TGM3: variants seen among roughly 807,000 people sequenced by gnomAD.
TGM3 encodes the protein protein-glutamine gamma-glutamyltransferase E.
Under a neutral mutation model 73.8 loss-of-function variants are expected in TGM3, and 52 were observed. The observed-to-expected ratio is 0.70, with a 90% CI of 0.56 to 0.89. TGM3 has a LOEUF of 0.89. TGM3 is among the 40% of genes least tolerant of loss of function. TGM3 has a pLI of 0.00. For synonymous variants in TGM3, 372 were observed against 354.9 expected (o/e 1.05, Z -0.54); for missense variants, 928 against 909.9 (o/e 1.02, Z -0.26).
In TGM3 at chr20:2,335,229, G is replaced by A. The variant is rs781219007; in HGVS notation, c.1756G>A (p.Val586Met). Residue 586 changes from valine to methionine, a missense_variant, in exon 11 of 13, where the codon GTG (valine) becomes ATG (methionine). By Grantham distance (21) the Val-to-Met change is conservative (BLOSUM62 1). Coordinates refer to ENST00000381458, the MANE Select transcript of TGM3 (RefSeq NM_003245.4). ...GGTCCCAGATGAGTCTGAGGTGGTG[G>A]TGGAGCGGGACATCATCCTGGACAA... ...CKVPDESEVV[V>M]ERDIILDNPT... is the part of the protein sequence containing the mutation. The A allele has an allele frequency of 2.5e-6, 4 of 1,614,208 alleles. No homozygotes were observed. The highest frequency in any genetic ancestry group is 1.7e-5 in the Admixed American group (1 of 60,026).
chr20:2,301,209 C>T (rs1000201076), intron 1 of TGM3, among the ~76,000 whole-genome samples: 1 of 151,196 alleles, frequency 6.6e-6, no homozygotes, highest in Non-Finnish European at 1.5e-5. Flanking sequence ...GAGATGGGTG[C>T]TGAGCAGGAA....
In TGM3 at chr20:2,340,459, G is replaced by C. The variant is rs214830; in HGVS notation, c.1960G>C (p.Gly654Arg). 1,072,450 of 1,613,766 alleles carry C rather than the reference G, an allele frequency of 0.66. 361,557 individuals carry two copies. The highest frequency in any genetic ancestry group is 0.88 in the African/African-American group (66,117 of 74,946). The stretch of plus-strand genomic sequence containing the variant: ...CGTGCCGACCCTAGGGCCCAAGGAG[G>C]GGTCCCGGGTCCGTTTTGATATCCT... ...IDVPTLGPKEGSRVRFDILPS... is the reference protein window; with the variant it reads ...IDVPTLGPKERSRVRFDILPS... Residue 654 changes from glycine to arginine, a missense_variant, in exon 13 of 13, where the codon GGG becomes CGG. Gly to Arg is a moderately radical substitution (Grantham distance 125, BLOSUM62 -2). Transcript: ENST00000381458.
intron 9 of TGM3, among the ~76,000 whole-genome samples, chr20:2,329,467 G>C (rs2084307618): frequency 6.6e-6 from 1 of 152,170 alleles, no homozygotes; most frequent in South Asian, 2.1e-4. Flanking sequence ...TCATTCCCAG[G>C]ACTGAGCTCA....
At position 2,335,281 on chromosome 20, in the gene TGM3, G is replaced by T. The variant is rs771394705; in HGVS notation, c.1800+8G>T. 6.2e-6 allele frequency: 10 copies of T among 1,613,786 alleles called. No homozygotes were observed. In the Middle Eastern group the frequency reaches 5.1e-4, roughly 83 times the overall value. ...CCCACCTTGACCCTGGAGGTAATGGGGCTCCCCATCCTGTGGGAAGGGGTT... is the reference window on the plus strand; with the variant it reads ...CCCACCTTGACCCTGGAGGTAATGGTGCTCCCCATCCTGTGGGAAGGGGTT... On this transcript the variant is annotated splice_region_variant and intron_variant, in intron 11 of 12. Coordinates refer to ENST00000381458, the MANE Select transcript of TGM3 (RefSeq NM_003245.4).
intron 8 of TGM3, 177 bp downstream of exon 8, chr20:2,326,129 T>TA: frequency 1.5e-6 from 1 of 654,238 alleles, no homozygotes; most frequent in Non-Finnish European, 2.7e-6. Flanking sequence ...GGGCTGCTGT[T>TA]TAAATGAGTG....
rs770522247 is a variant in TGM3 at position 2,328,328 on chromosome 20, T to C, written c.1296T>C (p.Ala432=). The change falls in exon 9 of 13, where the codon GCT becomes GCC. Residue 432 remains alanine, a synonymous_variant. Transcript: ENST00000381458. This position sits in a 1 kb window ranked among gnomAD's most constrained non-coding sequence, Gnocchi z 5.2. ...GCACCAAGGCGGTGGGCAGCAATGC[T>C]CGCATGGACGTCACGGACAAGTACA... ...YISTKAVGSN[A]RMDVTDKYKY... is the part of the protein sequence containing the mutation. 6.2e-7 allele frequency: 1 copy of C among 1,613,972 alleles called. No individual in the cohort carries two copies. The highest frequency in any genetic ancestry group is 2.2e-5 in the East Asian group (1 of 44,850).
intron 5 of TGM3, 114 bp from the exon 6 acceptor site, chr20:2,316,954 A>G (rs1479286648): frequency 8.0e-7 from 1 of 1,243,610 alleles, no homozygotes; most frequent in African/African-American, 1.5e-5. Flanking sequence ...AAGTTCAATC[A>G]TGGCCTTTGG....
At chr20:2,315,948 T>C (rs941517897) in intron 5 of TGM3, among the ~76,000 whole-genome samples, 1 of 152,220 alleles carries the variant, frequency 6.6e-6, no homozygotes, top group African/African-American at 2.4e-5. Flanking sequence ...TGTGTCTGCA[T>C]CACAAGCTTC....
At position 2,299,235 on chromosome 20, in the gene TGM3, A is replaced by G. The variant is rs533876931; in HGVS notation, c.7+3165A>G. Among the ~76,000 whole-genome samples, 3 of 152,064 alleles carry G rather than the reference A, an allele frequency of 2.0e-5. No individual in the cohort carries two copies. The South Asian group carries it at 6.2e-4, about 32-fold the overall frequency. ...ACGATTACCTGGAAATTTTTTCATGAGCCTGTTTTCTCCTTGTCTTGGGGG... is the reference window on the plus strand; with the variant it reads ...ACGATTACCTGGAAATTTTTTCATGGGCCTGTTTTCTCCTTGTCTTGGGGG... On this transcript the variant is annotated intron_variant, in intron 1 of 12. Transcript: ENST00000381458.
chr20:2,310,480 G>A (rs2084197965), intron 3 of TGM3, 63 bp downstream of exon 3: 9 of 1,585,980 alleles, frequency 5.7e-6, no homozygotes, highest in Middle Eastern at 3.4e-4. Flanking sequence ...AAGGGGATGG[G>A]GGAAATGATC....
chr20:2,311,333 A>G (rs1232648554), intron 4 of TGM3, among the ~76,000 whole-genome samples: 1 of 152,210 alleles, frequency 6.6e-6, no homozygotes. Flanking sequence ...TGAATAAGAC[A>G]GATCCATCTT....
At chr20:2,333,449 A>G (rs1263258721) in intron 10 of TGM3, among the ~76,000 whole-genome samples, 1 of 152,124 alleles carries the variant, frequency 6.6e-6, no homozygotes, top group Non-Finnish European at 1.5e-5. Context: ...TGAAGTGATC[A>G]TAGCTCACTG....
At chr20:2,335,038 G>A in intron 10 of TGM3, 78 bp from the exon 11 acceptor site, 2 of 1,557,200 alleles carry the variant, frequency 1.3e-6, no homozygotes, top group Admixed American at 1.7e-5. Flanking sequence ...CCCTGCCTTG[G>A]CTTGGCATCT....
intron 5 of TGM3, among the ~76,000 whole-genome samples, chr20:2,314,530 T>TACACACACACAC (rs11473649): frequency 4.5e-4 from 61 of 136,790 alleles, no homozygotes; most frequent in African/African-American, 1.6e-3. Flanking sequence ...CATCTACACA[T>TACACACACACAC]ACACACACAC....
In TGM3 at chr20:2,341,040, C is replaced by G. The variant is rs2084380085; in HGVS notation, c.*459C>G. The G allele has an allele frequency of 9.3e-6, 4 of 431,746 alleles. No homozygotes were observed. The highest frequency in any genetic ancestry group is 9.4e-6 in the Non-Finnish European group (2 of 212,596). 26.7% of individuals were successfully genotyped at this position (431,746 alleles called of 1,614,324 possible). ...TTAGTCACCTGCCCCAGCACTCACACCCTAACTCAAAATAAATGTTAAATA... is the reference window on the plus strand; with the variant it reads ...TTAGTCACCTGCCCCAGCACTCACAGCCTAACTCAAAATAAATGTTAAATA... On this transcript the variant is annotated 3_prime_UTR_variant, in exon 13 of 13. Coordinates refer to ENST00000381458, the MANE Select transcript of TGM3 (RefSeq NM_003245.4).
intron 10 of TGM3, 94 bp from the exon 11 acceptor site, chr20:2,335,022 A>G (rs955789668): frequency 6.7e-7 from 1 of 1,493,328 alleles, no homozygotes. Flanking sequence ...TCCTCCCACC[A>G]GCTCACCCTG....
chr20:2,312,163 G>A (rs1011643591), intron 4 of TGM3, among the ~76,000 whole-genome samples: 10 of 152,266 alleles, frequency 6.6e-5, no homozygotes, highest in South Asian at 6.2e-4. Flanking sequence ...ACTTTGGGAG[G>A]CTGAGGCGGG....
Position 2,339,844 on chromosome 20 carries a change from T to TCC in TGM3, c.1801-6_1801-5dup, listed in dbSNP as rs1600711995. On this transcript the variant is annotated splice_polypyrimidine_tract_variant and intron_variant, in intron 11 of 12. Coordinates refer to ENST00000381458, the MANE Select transcript of TGM3 (RefSeq NM_003245.4). Reference sequence around the variant, plus strand: ...TGGAGTCCTGACTCGGCAGCCCCTCTCCCCCATAGGTGCTGAACGAGGCTC... The same window carrying TCC: ...TGGAGTCCTGACTCGGCAGCCCCTCTCCCCCCCATAGGTGCTGAACGAGGCTC... 3.7e-6 allele frequency: 6 copies of TCC among 1,613,726 alleles called. No homozygotes were observed. The highest frequency in any genetic ancestry group is 5.1e-6 in the Non-Finnish European group (6 of 1,179,938).
At chr20:2,308,254 G>T (rs375729569) in intron 1 of TGM3, among the ~76,000 whole-genome samples, 35 of 152,232 alleles carry the variant, frequency 2.3e-4, no homozygotes, top group African/African-American at 7.2e-4. Context: ...ATTAAGAAGG[G>T]ATGTTCTGAT....
Sources: allele counts gnomAD v4.1 joint callset (sites outside exome capture counted in the v4.1 genomes callset), GRCh38; gene constraint gnomAD v4.1.1; non-coding constraint Gnocchi (gnomAD v3.1); transcripts MANE v1.5; gene names NCBI Gene and HGNC (gene_info 2026-07-23, HGNC 2026-07-21).